MTUS2: variants seen among roughly 807,000 people sequenced by gnomAD.
MTUS2 encodes microtubule-associated tumor suppressor candidate 2.
A neutral mutation model predicts 114.1 loss-of-function variants in MTUS2; 40 were observed. The ratio of observed to expected loss-of-function variants is 0.35; its 90% CI spans 0.27 to 0.46. The LOEUF (loss-of-function observed/expected upper bound fraction) is 0.46. Among genes scored for constraint, MTUS2 ranks in the 20% least tolerant of loss-of-function variants. The pLI, the probability that MTUS2 is intolerant of heterozygous loss-of-function variation, is 1.00. For missense variants in MTUS2, 1,679 were observed against 1,705.4 expected (o/e 0.98, Z 0.27); for synonymous variants, 688 against 672.0 (o/e 1.02, Z -0.37).
At chr13:29,082,436 A>G (rs1163100072) in intron 4 of MTUS2, among the ~76,000 whole-genome samples, 1 of 152,150 alleles carries the variant, frequency 6.6e-6, no homozygotes, top group Non-Finnish European at 1.5e-5. Flanking sequence ...TCATCTGTAA[A>G]ATGTATGAAC....
chr13:29,030,166 GT>G (rs1189119815), intron 3 of MTUS2, among the ~76,000 whole-genome samples: 1 of 152,052 alleles, frequency 6.6e-6, no homozygotes, highest in Non-Finnish European at 1.5e-5. Context: ...TACATGCATA[GT>G]TTTCCCCAAA....
At chr13:29,444,467 G>T (rs999526171) in intron 9 of MTUS2, among the ~76,000 whole-genome samples, 1 of 152,166 alleles carries the variant, frequency 6.6e-6, no homozygotes, top group African/African-American at 2.4e-5. Flanking sequence ...TTAGCATCTG[G>T]TCAGAATCAG....
intron 8 of MTUS2, among the ~76,000 whole-genome samples, chr13:29,394,454 T>A (rs1021506342): frequency 1.3e-5 from 2 of 152,196 alleles, no homozygotes; most frequent in African/African-American, 4.8e-5. Flanking sequence ...TAGAAAGTAA[T>A]GTCTGGGTTA....
At chr13:29,194,615 G>A (rs1279887718) in intron 5 of MTUS2, among the ~76,000 whole-genome samples, 12 of 149,894 alleles carry the variant, frequency 8.0e-5, no homozygotes, top group African/African-American at 2.9e-4. Flanking sequence ...GAGAGGATGT[G>A]GAGAAATAGG....
At position 29,144,586 on chromosome 13, in the gene MTUS2, A is replaced by T. The variant is rs140611062; in HGVS notation, c.2644+43616A>T. On this transcript the variant is annotated intron_variant, in intron 5 of 15. Coordinates refer to ENST00000612955, the MANE Select transcript of MTUS2 (RefSeq NM_001033602.4). ...TTGGCAGAAGTGATTTCCTTGTGCT[A>T]TATAACTGAGAATCCCAGTTTTTTG... 2.7e-3 allele frequency among the ~76,000 whole-genome samples: 418 copies of T among 152,194 alleles called. 1 individual carries two copies. Among genetic ancestry groups the T allele is most frequent in the African/African-American group, 9.6e-3 (398 of 41,540 alleles).
intron 5 of MTUS2, among the ~76,000 whole-genome samples, chr13:29,145,203 C>T (rs796110989): frequency 8.5e-5 from 13 of 152,116 alleles, no homozygotes; most frequent in African/African-American, 2.9e-4. Context: ...TTACATATGT[C>T]TTAAATATTT....
intron 13 of MTUS2, 42 bp from the exon 14 acceptor site, chr13:29,498,376 C>T (rs774196410): frequency 1.9e-5 from 30 of 1,610,666 alleles, no homozygotes; most frequent in South Asian, 4.4e-5. Flanking sequence ...TGGGTTTTGC[C>T]GGGAATCCTG....
At chr13:29,236,130 C>A (rs527785030) in intron 5 of MTUS2, among the ~76,000 whole-genome samples, 1 of 152,050 alleles carries the variant, frequency 6.6e-6, no homozygotes, top group African/African-American at 2.4e-5. Flanking sequence ...TACTCTTTCT[C>A]CTCTAATTTA....
intron 5 of MTUS2, among the ~76,000 whole-genome samples, chr13:29,273,023 CTT>C (rs1377022823): frequency 6.6e-6 from 1 of 152,158 alleles, no homozygotes; most frequent in East Asian, 1.9e-4. Flanking sequence ...TATGAAGCCT[CTT>C]TGATAAGGGC....
intron 8 of MTUS2, among the ~76,000 whole-genome samples, chr13:29,427,232 A>G (rs781655576): frequency 3.8e-4 from 58 of 152,232 alleles, no homozygotes; most frequent in Non-Finnish European, 6.6e-4. Context: ...GTCGGCTGCT[A>G]TTCCATGAAT....
chr13:29,068,767 T>C (rs570711057), intron 4 of MTUS2, among the ~76,000 whole-genome samples: 5 of 152,182 alleles, frequency 3.3e-5, no homozygotes, highest in Admixed American at 2.0e-4. Flanking sequence ...TATGTAAAGA[T>C]TGGCACAGGT....
At chr13:29,215,744 T>A (rs1376684121) in intron 5 of MTUS2, among the ~76,000 whole-genome samples, 1 of 152,134 alleles carries the variant, frequency 6.6e-6, no homozygotes, top group Non-Finnish European at 1.5e-5. Context: ...TTCCTTCCTC[T>A]GGAAGCTTCA....
chr13:29,269,746 A>G lies in MTUS2; in HGVS notation c.2645-11958A>G, dbSNP rs555578783. ...AAGCATTGAAATCGGGGTCTCAAAGAGATATTTACACTCTCATGTTCATTG... is the reference window on the plus strand; with the variant it reads ...AAGCATTGAAATCGGGGTCTCAAAGGGATATTTACACTCTCATGTTCATTG... On this transcript the variant is annotated intron_variant, in intron 5 of 15. Coordinates refer to ENST00000612955, the MANE Select transcript of MTUS2 (RefSeq NM_001033602.4). Among the ~76,000 whole-genome samples, 53 of 152,288 alleles carry G rather than the reference A, an allele frequency of 3.5e-4. No individual in the cohort carries two copies. In the South Asian group the frequency reaches 9.5e-3, roughly 27 times the overall value.
At chr13:29,327,791 A>C (rs1262294038) in intron 7 of MTUS2, among the ~76,000 whole-genome samples, 2 of 152,208 alleles carry the variant, frequency 1.3e-5, no homozygotes, top group African/African-American at 4.8e-5. Context: ...CTACATGTTT[A>C]ACTTCTTAAA....
chr13:29,094,386 C>T (rs961727405), intron 4 of MTUS2, among the ~76,000 whole-genome samples: 4 of 151,360 alleles, frequency 2.6e-5, no homozygotes, highest in African/African-American at 9.7e-5. Context: ...TTTAGATTTT[C>T]AGAGTTTCTA....
intron 5 of MTUS2, among the ~76,000 whole-genome samples, chr13:29,140,326 G>A (rs1892166174): frequency 6.6e-6 from 1 of 152,180 alleles, no homozygotes; most frequent in Non-Finnish European, 1.5e-5. Flanking sequence ...GGGGTGACCT[G>A]CTCCTGAAGA....
chr13:28,934,089 A>G lies in MTUS2; in HGVS notation c.-242-90368A>G, dbSNP rs1036188020. The stretch of plus-strand genomic sequence containing the variant: ...AGTGGAGTTAACAGAATTAGTTCTC[A>G]CTCTCCTACCAACTACCACAATTAA... On this transcript the variant is annotated intron_variant, in intron 2 of 15. Transcript: ENST00000612955. Among the ~76,000 whole-genome samples, 4 of 152,210 alleles carry G rather than the reference A, an allele frequency of 2.6e-5. No individual in the cohort carries two copies. In the East Asian group the frequency reaches 7.7e-4, roughly 29 times the overall value.
chr13:29,362,476 C>T (rs866726876), intron 8 of MTUS2, among the ~76,000 whole-genome samples: 50 of 151,364 alleles, frequency 3.3e-4, no homozygotes, highest in Middle Eastern at 6.8e-3. Flanking sequence ...TGGCCAGGCT[C>T]GAGCAGCCTG....
intron 8 of MTUS2, among the ~76,000 whole-genome samples, chr13:29,439,285 A>G (rs1276313996): frequency 1.3e-5 from 2 of 152,194 alleles, no homozygotes; most frequent in Non-Finnish European, 2.9e-5. Flanking sequence ...ATCTTCAACT[A>G]CTTCCCTACT....
Sources: allele counts gnomAD v4.1 joint callset (sites outside exome capture counted in the v4.1 genomes callset), GRCh38; gene constraint gnomAD v4.1.1; transcripts MANE v1.5; gene names NCBI Gene and HGNC (gene_info 2026-07-23, HGNC 2026-07-21).